The following ROBO2 variants were observed in gnomAD, a reference collection of about 807,000 sequenced individuals.
ROBO2 encodes roundabout guidance receptor 2.
A neutral mutation model predicts 160.8 loss-of-function variants in ROBO2; 53 were observed. That is an observed-to-expected ratio of 0.33 (90% CI 0.26 to 0.41). ROBO2 has a LOEUF of 0.41. ROBO2 is among the 10% of genes least tolerant of loss of function. ROBO2 has a pLI of 1.00. For synonymous variants in ROBO2, 664 were observed against 611.7 expected, an observed-to-expected ratio of 1.09 and a Z score of -1.26; for missense variants, 1,577 against 1,722.4, an observed-to-expected ratio of 0.92 and a Z score of 1.49.
chr3:77,593,188 C>G (rs1219107116), intron 17 of ROBO2, among the ~76,000 whole-genome samples: 1 of 148,156 alleles, frequency 6.7e-6, no homozygotes, highest in East Asian at 2.0e-4. Context: ...TTTTAACAGA[C>G]TAAAACAATC....
At position 77,443,026 on chromosome 3, in the gene ROBO2, T is replaced by C. The variant is rs183791087; in HGVS notation, c.389-34388T>C. 5.6e-4 allele frequency among the ~76,000 whole-genome samples: 86 copies of C among 152,312 alleles called. No individual in the cohort carries two copies. The Middle Eastern group carries it at 0.014, about 24-fold the overall frequency. ...CTGAGTGCATTGTTAGTTTTTGTTA[T>C]AAAAATAGTTGAAAACCAAATTTAA... On this transcript the variant is annotated intron_variant, in intron 2 of 25. Coordinates refer to ENST00000461745, the Ensembl canonical transcript of ROBO2.
At chr3:76,481,194 A>G (rs1356433162) in intron 2 of ROBO2, among the ~76,000 whole-genome samples, 1 of 152,146 alleles carries the variant, frequency 6.6e-6, no homozygotes, top group South Asian at 2.1e-4. Flanking sequence ...GTGAACACTC[A>G]AGCTGGGTCT....
intron 2 of ROBO2, among the ~76,000 whole-genome samples, chr3:75,941,083 C>T (rs537942409): frequency 6.6e-6 from 1 of 152,228 alleles, no homozygotes; most frequent in East Asian, 1.9e-4. Flanking sequence ...CACTACCATG[C>T]CCAGCTAGTT....
chr3:76,595,832 T>A (rs1443590644), intron 2 of ROBO2, among the ~76,000 whole-genome samples: 1 of 152,010 alleles, frequency 6.6e-6, no homozygotes, highest in Non-Finnish European at 1.5e-5. Context: ...GTAAACCATA[T>A]CCTCCAAATT....
chr3:76,833,696 G>C (rs2067280091), intron 2 of ROBO2, among the ~76,000 whole-genome samples: 2 of 152,044 alleles, frequency 1.3e-5, no homozygotes, highest in Admixed American at 1.3e-4. Context: ...TTTTCTCACT[G>C]TCCAATCCTA....
intron 15 of ROBO2, among the ~76,000 whole-genome samples, chr3:77,579,364 C>T (rs758710320): frequency 3.3e-5 from 5 of 152,002 alleles, no homozygotes; most frequent in East Asian, 1.9e-4. Flanking sequence ...TTGCTGTCAA[C>T]GTAAATATTG....
At chr3:75,939,280 A>G (rs1263386597) in intron 2 of ROBO2, among the ~76,000 whole-genome samples, 1 of 152,154 alleles carries the variant, frequency 6.6e-6, no homozygotes, top group African/African-American at 2.4e-5. Context: ...CCTTCCTCTG[A>G]CCATCATTTC....
chr3:75,981,324 T>G (rs1465384266), intron 2 of ROBO2, among the ~76,000 whole-genome samples: 3 of 151,510 alleles, frequency 2.0e-5, no homozygotes, highest in African/African-American at 7.2e-5. Flanking sequence ...ACAAAGGACT[T>G]ATCTATCTCC....
chr3:76,417,260 A>T (rs534130770), intron 2 of ROBO2, among the ~76,000 whole-genome samples: 3 of 152,340 alleles, frequency 2.0e-5, no homozygotes, highest in Non-Finnish European at 2.9e-5. Context: ...CTGACTTAAA[A>T]GAGTTTAGAT....
chr3:77,388,682 A>T (rs9847142), intron 2 of ROBO2, among the ~76,000 whole-genome samples: 49,043 of 152,078 alleles, frequency 0.32, 8,187 homozygotes, highest in East Asian at 0.46. Flanking sequence ...ATCAAGTTCC[A>T]GTTTGTGGTG....
At chr3:76,326,423 T>C (rs1160822297) in intron 2 of ROBO2, among the ~76,000 whole-genome samples, 1 of 152,118 alleles carries the variant, frequency 6.6e-6, no homozygotes, top group Non-Finnish European at 1.5e-5. Context: ...TGCATATATA[T>C]ACACACATAC....
At chr3:77,264,997 T>C (rs1425221367) in intron 2 of ROBO2, among the ~76,000 whole-genome samples, 2 of 152,180 alleles carry the variant, frequency 1.3e-5, no homozygotes, top group Non-Finnish European at 2.9e-5. Context: ...CCTGGATTGA[T>C]GATTGCCCAT....
intron 16 of ROBO2, among the ~76,000 whole-genome samples, chr3:77,583,760 A>G (rs747301909): frequency 3.3e-5 from 5 of 152,150 alleles, no homozygotes; most frequent in Non-Finnish European, 5.9e-5. Flanking sequence ...TGAACATTGC[A>G]GATGAAATAA....
intron 2 of ROBO2, among the ~76,000 whole-genome samples, chr3:76,262,550 C>A (rs192484529): frequency 6.6e-6 from 1 of 152,146 alleles, no homozygotes; most frequent in Non-Finnish European, 1.5e-5. Context: ...TGCTCCTTTA[C>A]TCTCCATTTT....
intron 2 of ROBO2, among the ~76,000 whole-genome samples, chr3:77,369,495 G>A (rs889687423): frequency 7.9e-5 from 12 of 152,186 alleles, no homozygotes; most frequent in African/African-American, 2.9e-4. Flanking sequence ...ATGCTAGCAG[G>A]TATGTGGATG....
At chr3:77,047,669 G>C (rs1378652901) in intron 1 of ROBO2, among the ~76,000 whole-genome samples, 1 of 149,654 alleles carries the variant, frequency 6.7e-6, no homozygotes, top group South Asian at 2.1e-4. Context: ...CCTAGGCAAC[G>C]GGCAAAACTC....
chr3:76,590,115 C>T (rs962054616), intron 2 of ROBO2, among the ~76,000 whole-genome samples: 12 of 152,112 alleles, frequency 7.9e-5, no homozygotes, highest in East Asian at 5.8e-4. Flanking sequence ...ATTATATATA[C>T]GGCAATTTTT....
chr3:77,635,077 T>G, intron 24 of ROBO2, 34 bp downstream of exon 25: 1 of 1,603,560 alleles, frequency 6.2e-7, no homozygotes, highest in Non-Finnish European at 8.5e-7. Flanking sequence ...GTTTCCTCGC[T>G]GAAGAGACGT....
chr3:76,331,179 A>G (rs1457129659), intron 2 of ROBO2, among the ~76,000 whole-genome samples: 1 of 152,214 alleles, frequency 6.6e-6, no homozygotes, highest in African/African-American at 2.4e-5. Flanking sequence ...GTTTTCTAAG[A>G]TTAAAGTTAG....
Sources: allele counts gnomAD v4.1 joint callset (sites outside exome capture counted in the v4.1 genomes callset), GRCh38; gene constraint gnomAD v4.1.1; transcripts MANE v1.5; gene names NCBI Gene and HGNC (gene_info 2026-07-23, HGNC 2026-07-21).